The following MDGA2 variants were observed in gnomAD, a reference collection of about 807,000 sequenced individuals.
MDGA2 encodes the protein MAM domain-containing glycosylphosphatidylinositol anchor protein 2.
MDGA2 carries 40 observed loss-of-function variants against 117.8 expected under a neutral mutation model. That is an observed-to-expected ratio of 0.34 (90% CI 0.26 to 0.44). The LOEUF is 0.44. Among genes scored for constraint, MDGA2 ranks in the 20% least tolerant of loss-of-function variants. The probability of loss-of-function intolerance (pLI) is 1.00; values close to 1 mark genes in which losing one functional copy is unlikely to be tolerated. For synonymous variants in MDGA2, 452 were observed against 439.0 expected (o/e 1.03, Z -0.37); for missense variants, 1,123 against 1,250.6 (o/e 0.90, Z 1.54).
At chr14:47,330,011 G>A (rs1428830675) in intron 1 of MDGA2, among the ~76,000 whole-genome samples, 1 of 151,924 alleles carries the variant, frequency 6.6e-6, no homozygotes, top group Non-Finnish European at 1.5e-5. Flanking sequence ...TCAAACTGAT[G>A]TTTATTTTCT....
chr14:47,575,471 C>T (rs1896099057), intron 1 of MDGA2, among the ~76,000 whole-genome samples: 1 of 151,770 alleles, frequency 6.6e-6, no homozygotes, highest in African/African-American at 2.4e-5. Flanking sequence ...ACTGTGTAGA[C>T]TCTGAGAGAA....
intron 1 of MDGA2, among the ~76,000 whole-genome samples, chr14:47,610,013 T>C (rs1245576698): frequency 6.6e-6 from 1 of 151,896 alleles, no homozygotes; most frequent in African/African-American, 2.4e-5. Context: ...GTGGGTTTCA[T>C]ACCAGGGAAG....
rs528149897 is a variant in MDGA2, at chr14:47,176,515, A to T, written c.596-32241T>A. On this transcript the variant is annotated intron_variant, in intron 3 of 16. Coordinates refer to ENST00000399232, the MANE Select transcript of MDGA2 (RefSeq NM_001113498.3). ...AACACTGCATATCTACAACTATCTG[A>T]TCTTTGACAAACCTGAGAAAAACAA... is the stretch of plus-strand genomic sequence containing the variant. Among the ~76,000 whole-genome samples the T allele has an allele frequency of 1.6e-4, 25 of 152,304 alleles. No homozygotes were observed. The East Asian group carries it at 4.8e-3, about 29-fold the overall frequency.
chr14:47,036,931 A>C (rs1888876987), intron 7 of MDGA2, among the ~76,000 whole-genome samples: 1 of 152,244 alleles, frequency 6.6e-6, no homozygotes, highest in South Asian at 2.1e-4. Context: ...GAATTTAAAC[A>C]ATATGAACTA....
intron 3 of MDGA2, among the ~76,000 whole-genome samples, chr14:47,211,017 T>TA (rs1566682529): frequency 6.6e-6 from 1 of 152,068 alleles, no homozygotes; most frequent in Non-Finnish European, 1.5e-5. Context: ...AAAGTTACAA[T>TA]TTATTTATTT....
chr14:47,156,568 T>G (rs937614933), intron 3 of MDGA2, among the ~76,000 whole-genome samples: 4 of 152,182 alleles, frequency 2.6e-5, no homozygotes, highest in Non-Finnish European at 4.4e-5. Context: ...TAGTCACAAG[T>G]TAAAAAAATC....
intron 1 of MDGA2, among the ~76,000 whole-genome samples, chr14:47,305,692 G>C (rs1889420295): frequency 6.6e-6 from 1 of 152,176 alleles, no homozygotes; most frequent in Non-Finnish European, 1.5e-5. Flanking sequence ...GAGACTCTGT[G>C]CTGGGGATAT....
chr14:47,498,759 AT>A (rs1894335838), intron 1 of MDGA2, among the ~76,000 whole-genome samples: 1 of 152,166 alleles, frequency 6.6e-6, no homozygotes, highest in African/African-American at 2.4e-5. Context: ...TTAGGAAAAA[AT>A]ATTTCAATTC....
At chr14:47,053,881 A>G (rs1326682796) in intron 7 of MDGA2, among the ~76,000 whole-genome samples, 1 of 151,840 alleles carries the variant, frequency 6.6e-6, no homozygotes, top group East Asian at 1.9e-4. Context: ...CCATTAAAAC[A>G]CTATTTGGAA....
intron 1 of MDGA2, among the ~76,000 whole-genome samples, chr14:47,456,538 G>C (rs940253207): frequency 1.3e-5 from 2 of 151,376 alleles, no homozygotes; most frequent in Non-Finnish European, 2.9e-5. Context: ...CCCAACTTCA[G>C]GTTATCCACC....
At chr14:47,272,244 T>A (rs1001443026) in intron 2 of MDGA2, among the ~76,000 whole-genome samples, 1 of 152,130 alleles carries the variant, frequency 6.6e-6, no homozygotes, top group Non-Finnish European at 1.5e-5. Context: ...CTGCCTCACT[T>A]ACCATCACAC....
intron 1 of MDGA2, among the ~76,000 whole-genome samples, chr14:47,635,836 G>A (rs1204893997): frequency 6.6e-6 from 1 of 151,828 alleles, no homozygotes. Context: ...GTGAGTGTAG[G>A]TTTAATACAA....
In MDGA2 at chr14:47,636,290, A is replaced by G. The variant is rs561366871; in HGVS notation, c.280+38227T>C. 2.0e-5 allele frequency among the ~76,000 whole-genome samples: 3 copies of G among 152,326 alleles called. No individual in the cohort carries two copies. In the East Asian group the frequency reaches 5.8e-4, roughly 29 times the overall value. ...ATTAATTTTACTATTAAAAGCAACA[A>G]CTTCTCAGTATAACTGGAAATAAAC... On this transcript the variant is annotated intron_variant, in intron 1 of 16. Coordinates refer to ENST00000399232, the MANE Select transcript of MDGA2 (RefSeq NM_001113498.3).
chr14:47,223,386 C>G (rs931048349), intron 2 of MDGA2, among the ~76,000 whole-genome samples: 2 of 152,138 alleles, frequency 1.3e-5, no homozygotes, highest in Non-Finnish European at 1.5e-5. Context: ...CAGTACTCAT[C>G]AGCATTTATT....
At chr14:47,086,054 C>G (rs1890884089) in intron 6 of MDGA2, among the ~76,000 whole-genome samples, 2 of 148,966 alleles carry the variant, frequency 1.3e-5, no homozygotes, top group African/African-American at 4.9e-5. Flanking sequence ...ATAGTTTAAT[C>G]AATTTTAACT....
At chr14:47,446,737 A>AT (rs773659064) in intron 1 of MDGA2, among the ~76,000 whole-genome samples, 7 of 133,678 alleles carry the variant, frequency 5.2e-5, no homozygotes, top group East Asian at 3.0e-4. Context: ...AGTAAGTAAA[A>AT]TTAAAAAAAG....
intron 1 of MDGA2, among the ~76,000 whole-genome samples, chr14:47,568,815 C>G (rs770756679): frequency 2.6e-5 from 4 of 151,954 alleles, no homozygotes; most frequent in African/African-American, 9.7e-5. Flanking sequence ...ACTTTGCTGG[C>G]TATAAAACAT....
chr14:47,217,534 C>CT (rs1251896648), intron 3 of MDGA2, among the ~76,000 whole-genome samples: 1 of 151,784 alleles, frequency 6.6e-6, no homozygotes, highest in African/African-American at 2.4e-5. Flanking sequence ...CAAAAGCAGA[C>CT]TATACGTAGA....
rs189633723 is a variant in MDGA2 at position 47,581,521 on chromosome 14, C to T, written c.280+92996G>A. Among the ~76,000 whole-genome samples the T allele has an allele frequency of 4.4e-3, 668 of 151,994 alleles. 4 individuals are homozygous for T. The highest frequency in any genetic ancestry group is 6.5e-3 in the Non-Finnish European group (440 of 67,902). On this transcript the variant is annotated intron_variant, in intron 1 of 16. Transcript: ENST00000399232. ...ATGGAAAGAACATAGAAAGTTCTAC[C>T]GTATGAAATACGTACAGTGCATATT...
Sources: gnomAD v4.1 joint callset for allele counts (sites outside exome capture counted in the v4.1 genomes callset) on GRCh38, gnomAD v4.1.1 for gene constraint, MANE v1.5 for transcripts, NCBI Gene and HGNC (gene_info 2026-07-23, HGNC 2026-07-21) for gene names.